GRM3: variants seen among roughly 807,000 people sequenced by gnomAD.
GRM3 encodes the protein metabotropic glutamate receptor 3.
GRM3 carries 26 observed loss-of-function variants against 70.5 expected under a neutral mutation model. That is an observed-to-expected ratio of 0.37 (90% confidence interval 0.27 to 0.51). GRM3 has a LOEUF of 0.51. Ranked by LOEUF, GRM3 falls within the 20% of genes least tolerant of loss-of-function variation. The probability of loss-of-function intolerance (pLI) is 0.93; values close to 1 mark genes in which losing one functional copy is unlikely to be tolerated. For missense variants in GRM3, 859 were observed against 1,123.8 expected, an observed-to-expected ratio of 0.76 and a Z score of 3.37; for synonymous variants, 443 against 434.9, an observed-to-expected ratio of 1.02 and a Z score of -0.23.
At chr7:86,832,921 C>T (rs1798383166) in intron 3 of GRM3, 1 of 607,142 alleles carries the variant, frequency 1.6e-6, no homozygotes, top group Middle Eastern at 8.3e-4. Flanking sequence ...TTTGAAGCAC[C>T]CGAGTGATGA....
chr7:86,733,215 G>T (rs368910105), intron 1 of GRM3, among the ~76,000 whole-genome samples: 173 of 151,888 alleles, frequency 1.1e-3, no homozygotes, highest in African/African-American at 3.8e-3. Flanking sequence ...TTGGGAGGCT[G>T]AGGTAGGAAA....
intron 1 of GRM3, among the ~76,000 whole-genome samples, chr7:86,733,885 C>T (rs961423082): frequency 9.2e-5 from 14 of 152,188 alleles, no homozygotes; most frequent in Middle Eastern, 3.2e-3. Flanking sequence ...AAGCGAAGCA[C>T]GAGCTCATGT....
intron 2 of GRM3, among the ~76,000 whole-genome samples, chr7:86,783,196 C>A (rs1797122436): frequency 6.6e-6 from 1 of 152,204 alleles, no homozygotes; most frequent in Non-Finnish European, 1.5e-5. Context: ...TTCCTGCTAA[C>A]AGCAACTAGG....
rs528896440 is a variant in GRM3 at position 86,652,164 on chromosome 7, A to T, written c.-141+7292A>T. Among the ~76,000 whole-genome samples the T allele has an allele frequency of 2.0e-5, 3 of 152,268 alleles. No individual in the cohort carries two copies. In the East Asian group the frequency reaches 5.8e-4, roughly 29 times the overall value. On this transcript the variant is annotated intron_variant, in intron 1 of 5. Coordinates refer to ENST00000361669, the MANE Select transcript of GRM3 (RefSeq NM_000840.3). ...TTTGAAAGGAAACAAGCCTTCTCTT[A>T]GTTGTTGAACAAATGAAGCCCTGGT... is the stretch of plus-strand genomic sequence containing the variant.
intron 1 of GRM3, among the ~76,000 whole-genome samples, chr7:86,744,675 G>A (rs147263832): frequency 5.3e-5 from 8 of 152,112 alleles, no homozygotes; most frequent in South Asian, 4.1e-4. Flanking sequence ...TATATATGCC[G>A]GGCAGTCTGT....
chr7:86,784,102 C>A (rs1236546326), intron 2 of GRM3: 1 of 152,180 alleles, frequency 6.6e-6, no homozygotes, highest in East Asian at 1.9e-4. Context: ...TCCCACATTG[C>A]TGTTATTCTA....
intron 1 of GRM3, among the ~76,000 whole-genome samples, chr7:86,718,732 A>G (rs1441583277): frequency 6.6e-6 from 1 of 151,986 alleles, no homozygotes; most frequent in Non-Finnish European, 1.5e-5. Flanking sequence ...TTTATTACTT[A>G]ATTTGTGGCC....
chr7:86,660,267 A>G (rs1427709768), intron 1 of GRM3, among the ~76,000 whole-genome samples: 8 of 152,042 alleles, frequency 5.3e-5, no homozygotes, highest in Middle Eastern at 3.2e-3. Context: ...CTATTCAGAA[A>G]TGATTGCGAA....
chr7:86,755,733 G>A (rs1039120388), intron 1 of GRM3, among the ~76,000 whole-genome samples: 2 of 152,126 alleles, frequency 1.3e-5, no homozygotes, highest in Admixed American at 6.5e-5. Context: ...GAATTATGGG[G>A]ATGGCTCTTT....
chr7:86,658,572 C>G (rs969310929), intron 1 of GRM3, among the ~76,000 whole-genome samples: 12 of 152,176 alleles, frequency 7.9e-5, no homozygotes, highest in Admixed American at 7.2e-4. Flanking sequence ...ATAATTGTCT[C>G]TCTCCCCACT....
At chr7:86,725,073 T>C (rs747383006) in intron 1 of GRM3, among the ~76,000 whole-genome samples, 1 of 152,134 alleles carries the variant, frequency 6.6e-6, no homozygotes, top group African/African-American at 2.4e-5. Context: ...AGGGGATGTA[T>C]GCATTGGAGT....
At chr7:86,828,709 T>C (rs1584268334) in intron 3 of GRM3, among the ~76,000 whole-genome samples, 1 of 152,154 alleles carries the variant, frequency 6.6e-6, no homozygotes, top group South Asian at 2.1e-4. Context: ...CTGATTAGGG[T>C]GGTGGTTGCT....
At position 86,780,130 on chromosome 7, in the gene GRM3, A is replaced by T. The variant is rs536469056; in HGVS notation, c.469-6131A>T. ...TCTTAATCCAGTCTATCATTGTTGG[A>T]CATTTGGGTTGGTTCCAAGTCTTTG... On this transcript the variant is annotated intron_variant, in intron 2 of 5. Coordinates refer to ENST00000361669, the MANE Select transcript of GRM3 (RefSeq NM_000840.3). 5.9e-5 allele frequency among the ~76,000 whole-genome samples: 9 copies of T among 152,236 alleles called. 1 individual carries two copies. The Middle Eastern group carries it at 0.01, about 173-fold the overall frequency.
intron 1 of GRM3, among the ~76,000 whole-genome samples, chr7:86,763,976 G>A (rs76512438): frequency 0.091 from 13,839 of 152,094 alleles, 705 homozygotes; most frequent in Middle Eastern, 0.13. Context: ...GATGTTAAGC[G>A]GTTAGATTCT....
intron 2 of GRM3, among the ~76,000 whole-genome samples, chr7:86,768,645 A>C (rs1796663696): frequency 6.6e-6 from 1 of 152,136 alleles, no homozygotes; most frequent in African/African-American, 2.4e-5. Flanking sequence ...GAGATGCTGG[A>C]TCTGAAGAGG....
At position 86,708,956 on chromosome 7, in the gene GRM3, CACACAA is replaced by C. The variant is rs573165423; in HGVS notation, c.-140-56046_-140-56041del. ...TCACACACATACATATACACACACA[CACACAA>C]ACAGAGTTAAAAAAAATCTTAATTT... On this transcript the variant is annotated intron_variant, in intron 1 of 5. Transcript: ENST00000361669. Among the ~76,000 whole-genome samples, 200 of 152,114 alleles carry C rather than the reference CACACAA, an allele frequency of 1.3e-3. 1 individual carries two copies. Among genetic ancestry groups the C allele is most frequent in the African/African-American group, 4.5e-3 (187 of 41,516 alleles).
intron 4 of GRM3, among the ~76,000 whole-genome samples, chr7:86,842,594 T>C (rs1798577754): frequency 6.6e-6 from 1 of 152,104 alleles, no homozygotes; most frequent in South Asian, 2.1e-4. Context: ...AATCGTGTGG[T>C]TCGGACAGAA....
At chr7:86,811,673 T>C (rs1183998482) in intron 3 of GRM3, among the ~76,000 whole-genome samples, 2 of 151,898 alleles carry the variant, frequency 1.3e-5, no homozygotes, top group East Asian at 3.9e-4. Flanking sequence ...TCTTAGAGAT[T>C]ACTTAGTCAA....
intron 1 of GRM3, among the ~76,000 whole-genome samples, chr7:86,756,186 C>G (rs1332248377): frequency 6.6e-6 from 1 of 152,172 alleles, no homozygotes; most frequent in Admixed American, 6.6e-5. Flanking sequence ...TCAAGTGATT[C>G]TCCTGCCTCA....
Sources: gnomAD v4.1 joint callset for allele counts (sites outside exome capture counted in the v4.1 genomes callset) on GRCh38, gnomAD v4.1.1 for gene constraint, MANE v1.5 for transcripts, NCBI Gene and HGNC (gene_info 2026-07-23, HGNC 2026-07-21) for gene names.